Variants in TMEM108 observed in about 807,000 individuals in gnomAD.
TMEM108 encodes the protein cancer/testis antigen 124.
TMEM108 carries 12 observed loss-of-function variants against 35.1 expected under a neutral mutation model. That is an observed-to-expected ratio of 0.34 (90% CI 0.22 to 0.55). The LOEUF is 0.55. Among genes scored for constraint, TMEM108 ranks in the 20% least tolerant of loss-of-function variants. TMEM108 has a pLI of 0.89. For missense variants in TMEM108, 680 were observed against 753.3 expected (o/e 0.90, Z 1.14); for synonymous variants, 287 against 308.6 (o/e 0.93, Z 0.73).
intron 3 of TMEM108, among the ~76,000 whole-genome samples, chr3:133,315,389 CT>C (rs369686396): frequency 3.9e-5 from 6 of 152,260 alleles, no homozygotes; most frequent in African/African-American, 1.4e-4. Flanking sequence ...CCTTAAATGA[CT>C]TTGAAACACA....
At chr3:133,137,691 A>G (rs1944584250) in intron 2 of TMEM108, among the ~76,000 whole-genome samples, 1 of 152,210 alleles carries the variant, frequency 6.6e-6, no homozygotes, top group African/African-American at 2.4e-5. Flanking sequence ...TGTCAGCTGT[A>G]CAAATACAAG....
chr3:133,142,558 T>TCACACTC (rs1450448050), intron 2 of TMEM108, among the ~76,000 whole-genome samples: 1 of 152,150 alleles, frequency 6.6e-6, no homozygotes, highest in African/African-American at 2.4e-5. Flanking sequence ...GAGCACGGTT[T>TCACACTC]CACACTCCAC....
intron 3 of TMEM108, among the ~76,000 whole-genome samples, chr3:133,234,547 A>G (rs921493427): frequency 6.6e-6 from 1 of 152,220 alleles, no homozygotes; most frequent in South Asian, 2.1e-4. Context: ...ACAAAATTCA[A>G]CAACGCTTCA....
At chr3:133,356,219 T>A (rs968270769) in intron 3 of TMEM108, among the ~76,000 whole-genome samples, 1 of 151,744 alleles carries the variant, frequency 6.6e-6, no homozygotes, top group South Asian at 2.1e-4. Flanking sequence ...CGATCACTTT[T>A]ACAACAGCTG....
At chr3:133,135,359 G>C (rs1944550702) in intron 2 of TMEM108, among the ~76,000 whole-genome samples, 1 of 152,178 alleles carries the variant, frequency 6.6e-6, no homozygotes, top group South Asian at 2.1e-4. Flanking sequence ...ACAGAGAGGG[G>C]AGACTAACTC....
chr3:133,239,885 T>G (rs1469114692), intron 3 of TMEM108, among the ~76,000 whole-genome samples: 1 of 152,214 alleles, frequency 6.6e-6, no homozygotes, highest in East Asian at 1.9e-4. Flanking sequence ...GCTAGCAGAA[T>G]TCCTCTCAAG....
At chr3:133,269,150 T>C (rs1467011616) in intron 3 of TMEM108, among the ~76,000 whole-genome samples, 2 of 152,202 alleles carry the variant, frequency 1.3e-5, no homozygotes, top group East Asian at 3.8e-4. Context: ...CCTACCTCTT[T>C]ACAGTTAAGA....
At chr3:133,129,330 G>A (rs913341424) in intron 2 of TMEM108, among the ~76,000 whole-genome samples, 16 of 145,950 alleles carry the variant, frequency 1.1e-4, no homozygotes, top group Admixed American at 1.0e-3. Flanking sequence ...GGGTGACACA[G>A]CAAGACTCCG....
chr3:133,199,391 C>T (rs1164827779), intron 2 of TMEM108, among the ~76,000 whole-genome samples: 1 of 152,176 alleles, frequency 6.6e-6, no homozygotes, highest in East Asian at 1.9e-4. Context: ...AGCTTTTCTA[C>T]TCTGATTTCT....
chr3:133,234,566 A>C (rs909637759), intron 3 of TMEM108, among the ~76,000 whole-genome samples: 1 of 152,086 alleles, frequency 6.6e-6, no homozygotes, highest in Non-Finnish European at 1.5e-5. Context: ...CATGCTAAAA[A>C]CTCTCAATAA....
In TMEM108 at chr3:133,212,331, T is replaced by A. The variant is rs575737005; in HGVS notation, c.-46-16935T>A. Among the ~76,000 whole-genome samples, 10 of 152,244 alleles carry A rather than the reference T, an allele frequency of 6.6e-5. No homozygotes were observed. The East Asian group carries it at 1.7e-3, about 26-fold the overall frequency. ...ACTTAGGAGAAAATTTTTGAGAGAA[T>A]TTTCTGTTTTCTTAAGAAAAACAAT... On this transcript the variant is annotated intron_variant, in intron 2 of 5. Coordinates refer to ENST00000321871, the MANE Select transcript of TMEM108 (RefSeq NM_023943.4).
At chr3:133,176,922 G>A (rs1559857772) in intron 2 of TMEM108, among the ~76,000 whole-genome samples, 1 of 152,072 alleles carries the variant, frequency 6.6e-6, no homozygotes, top group African/African-American at 2.4e-5. Flanking sequence ...CCGCTAGCAA[G>A]ACTAATAAAG....
At chr3:133,123,194 A>G (rs1013791732) in intron 2 of TMEM108, among the ~76,000 whole-genome samples, 1 of 152,164 alleles carries the variant, frequency 6.6e-6, no homozygotes, top group African/African-American at 2.4e-5. Context: ...TAATGGCTAT[A>G]TTGTATTCCA....
chr3:133,231,430 T>C (rs1178950707), intron 3 of TMEM108, among the ~76,000 whole-genome samples: 1 of 152,188 alleles, frequency 6.6e-6, no homozygotes, highest in Non-Finnish European at 1.5e-5. Flanking sequence ...TAGGCTGGAA[T>C]GACTCTAATG....
At chr3:133,170,371 T>A (rs1945112145) in intron 2 of TMEM108, among the ~76,000 whole-genome samples, 1 of 152,210 alleles carries the variant, frequency 6.6e-6, no homozygotes, top group Non-Finnish European at 1.5e-5. Context: ...ACTTGAAATT[T>A]TCTAAGATGC....
At chr3:133,226,370 G>T (rs1946071154) in intron 2 of TMEM108, among the ~76,000 whole-genome samples, 1 of 152,176 alleles carries the variant, frequency 6.6e-6, no homozygotes, top group Admixed American at 6.5e-5. Context: ...ACAAGAGATA[G>T]CTTTGCAGGA....
At chr3:133,178,723 C>T (rs1479830567) in intron 2 of TMEM108, among the ~76,000 whole-genome samples, 2 of 152,144 alleles carry the variant, frequency 1.3e-5, no homozygotes, top group African/African-American at 4.8e-5. Context: ...AAAACCTAGG[C>T]AATACCATTC....
chr3:133,178,589 G>A (rs1479491893), intron 2 of TMEM108, among the ~76,000 whole-genome samples: 8 of 152,272 alleles, frequency 5.3e-5, no homozygotes, highest in African/African-American at 1.9e-4. Context: ...ATGGTTCTGG[G>A]AAAACTGGCT....
intron 2 of TMEM108, among the ~76,000 whole-genome samples, chr3:133,073,187 T>G (rs960917471): frequency 6.6e-6 from 1 of 152,138 alleles, no homozygotes; most frequent in African/African-American, 2.4e-5. Flanking sequence ...TGTTGTTGAC[T>G]ATAATCACGT....
Sources: gnomAD v4.1 joint callset for allele counts (sites outside exome capture counted in the v4.1 genomes callset) on GRCh38, gnomAD v4.1.1 for gene constraint, MANE v1.5 for transcripts, NCBI Gene and HGNC (gene_info 2026-07-23, HGNC 2026-07-21) for gene names.